Variants in CNTNAP5 observed in about 807,000 individuals in gnomAD.
CNTNAP5 encodes the protein contactin associated protein family member 5, also known as contactin-associated protein-like 5.
Under a neutral mutation model 150.2 loss-of-function variants are expected in CNTNAP5, and 72 were observed. The observed-to-expected ratio is 0.48, with a 90% CI of 0.40 to 0.58. The LOEUF (loss-of-function observed/expected upper bound fraction) is 0.58, where lower values mean the gene tolerates loss of function less well. Ranked by LOEUF, CNTNAP5 falls within the 20% of genes least tolerant of loss-of-function variation. The probability of loss-of-function intolerance (pLI) is 0.00; values close to 1 mark genes in which losing one functional copy is unlikely to be tolerated. For missense variants in CNTNAP5, 1,636 were observed against 1,626.2 expected, an observed-to-expected ratio of 1.01 and a Z score of -0.10; for synonymous variants, 672 against 619.8, an observed-to-expected ratio of 1.08 and a Z score of -1.25.
chr2:124,340,478 C>A (rs370444538), intron 3 of CNTNAP5, among the ~76,000 whole-genome samples: 4 of 151,788 alleles, frequency 2.6e-5, no homozygotes, highest in Admixed American at 6.6e-5. Context: ...TTGAATGTGC[C>A]CAAATAATAT....
intron 13 of CNTNAP5, among the ~76,000 whole-genome samples, chr2:124,695,848 C>T (rs1256745110): frequency 2.0e-5 from 3 of 152,132 alleles, no homozygotes; most frequent in Non-Finnish European, 4.4e-5. Context: ...GTGAAGAGTG[C>T]TCGGCACCTG....
chr2:124,836,629 G>T (rs1013318736), intron 19 of CNTNAP5, among the ~76,000 whole-genome samples: 3 of 152,086 alleles, frequency 2.0e-5, no homozygotes, highest in African/African-American at 7.2e-5. Context: ...GTCTATGGGG[G>T]TGCAAGTGGA....
In CNTNAP5 at chr2:124,879,970, G is replaced by T. The variant is rs930993179; in HGVS notation, c.3436+10208G>T. On this transcript the variant is annotated intron_variant, in intron 21 of 23. Transcript: ENST00000682447. ...GGAAGCACTGTATTGGCCAGAAGCT[G>T]AAAGAAACAAGTGGAACAAGCACAG... Among the ~76,000 whole-genome samples the T allele has an allele frequency of 4.6e-5, 7 of 152,160 alleles. 1 individual carries two copies. The highest frequency in any genetic ancestry group is 1.4e-4 in the African/African-American group (6 of 41,458).
At chr2:124,628,401 G>A (rs1225234533) in intron 12 of CNTNAP5, among the ~76,000 whole-genome samples, 3 of 152,100 alleles carry the variant, frequency 2.0e-5, no homozygotes, top group African/African-American at 7.2e-5. Context: ...AGAGCTTGGG[G>A]GCCAATATTC....
intron 19 of CNTNAP5, among the ~76,000 whole-genome samples, chr2:124,825,888 T>C (rs1306075913): frequency 6.6e-6 from 1 of 152,162 alleles, no homozygotes; most frequent in Non-Finnish European, 1.5e-5. Context: ...ACAGCACCCA[T>C]AGCTTGTATT....
At chr2:124,123,074 TGGG>T (rs1173572054) in intron 1 of CNTNAP5, among the ~76,000 whole-genome samples, 2 of 151,946 alleles carry the variant, frequency 1.3e-5, no homozygotes, top group South Asian at 4.2e-4. Flanking sequence ...TGTCGGACAC[TGGG>T]TGCAGCCCAT....
chr2:124,146,219 C>T (rs977931187), intron 1 of CNTNAP5, among the ~76,000 whole-genome samples: 4 of 152,110 alleles, frequency 2.6e-5, no homozygotes, highest in Non-Finnish European at 4.4e-5. Flanking sequence ...CAGCTCAGAC[C>T]CGAGCTGTTA....
chr2:124,750,265 C>G (rs1680696044), intron 14 of CNTNAP5, among the ~76,000 whole-genome samples: 1 of 152,172 alleles, frequency 6.6e-6, no homozygotes, highest in South Asian at 2.1e-4. Flanking sequence ...AAGGACTGAA[C>G]TTCCCCTCTT....
chr2:124,443,006 T>C (rs1035677368), intron 5 of CNTNAP5, among the ~76,000 whole-genome samples: 2 of 152,116 alleles, frequency 1.3e-5, no homozygotes, highest in African/African-American at 2.4e-5. Flanking sequence ...GGTCTTTATA[T>C]AGGACAATTT....
chr2:124,154,388 T>A (rs1457772331), intron 1 of CNTNAP5, among the ~76,000 whole-genome samples: 1 of 152,036 alleles, frequency 6.6e-6, no homozygotes, highest in Non-Finnish European at 1.5e-5. Flanking sequence ...ATGGGTGCTA[T>A]GAGCTGATGG....
rs193034525 is a variant in CNTNAP5, at chr2:124,544,253, A to G, written c.1649+16797A>G. On this transcript the variant is annotated intron_variant, in intron 10 of 23. Coordinates refer to ENST00000682447, the MANE Select transcript of CNTNAP5 (RefSeq NM_001367498.1). ...GACTAAGGCTAATGTTTCTAAAGAA[A>G]AAAAATGTGTCAAATAAAAGTAGGT... 1.2e-4 allele frequency among the ~76,000 whole-genome samples: 18 copies of G among 152,328 alleles called. 1 individual carries two copies. The East Asian group carries it at 2.1e-3, about 18-fold the overall frequency.
chr2:124,859,245 A>G (rs1157473985), intron 19 of CNTNAP5, among the ~76,000 whole-genome samples: 3 of 152,198 alleles, frequency 2.0e-5, no homozygotes, highest in Admixed American at 6.6e-5. Context: ...ACAAGTGGGC[A>G]AAGGATATGA....
chr2:124,905,492 G>A (rs957812556), intron 22 of CNTNAP5, among the ~76,000 whole-genome samples: 8 of 152,194 alleles, frequency 5.3e-5, no homozygotes, highest in African/African-American at 1.2e-4. Context: ...TACATTCTCT[G>A]CTTCACTACC....
intron 4 of CNTNAP5, among the ~76,000 whole-genome samples, chr2:124,433,481 C>T (rs757038236): frequency 6.6e-6 from 1 of 152,038 alleles, no homozygotes; most frequent in Non-Finnish European, 1.5e-5. Flanking sequence ...ATTGTGTATG[C>T]TCAGGCTGAG....
intron 19 of CNTNAP5, among the ~76,000 whole-genome samples, chr2:124,810,394 C>T (rs578105292): frequency 2.6e-5 from 4 of 152,156 alleles, no homozygotes; most frequent in South Asian, 4.1e-4. Flanking sequence ...TTTTTAATAG[C>T]GCTGCTTAAA....
At chr2:124,127,344 A>G (rs1391330643) in intron 1 of CNTNAP5, among the ~76,000 whole-genome samples, 2 of 152,180 alleles carry the variant, frequency 1.3e-5, no homozygotes, top group Non-Finnish European at 2.9e-5. Context: ...TAGGAATCCA[A>G]CTTACAAGGG....
chr2:124,236,368 C>T (rs2104759524), intron 2 of CNTNAP5, among the ~76,000 whole-genome samples: 1 of 152,286 alleles, frequency 6.6e-6, no homozygotes, highest in South Asian at 2.1e-4. Context: ...CCTGCACCTG[C>T]CCAGGAGCAG....
At position 124,672,794 on chromosome 2, in the gene CNTNAP5, G is replaced by A. The variant is rs1425579944; in HGVS notation, c.2077+24836G>A. On this transcript the variant is annotated intron_variant, in intron 13 of 23. Transcript: ENST00000682447. ...TGTTAAAAAGACTAAAATATGAGTA[G>A]GAAACTATTTCAAGTGACCAAGAAG... Among the ~76,000 whole-genome samples the A allele has an allele frequency of 1.3e-5, 2 of 151,538 alleles. 1 individual carries two copies. The highest frequency in any genetic ancestry group is 4.8e-5 in the African/African-American group (2 of 41,248).
chr2:124,543,294 T>C (rs1448746085), intron 10 of CNTNAP5, among the ~76,000 whole-genome samples: 1 of 141,564 alleles, frequency 7.1e-6, no homozygotes, highest in African/African-American at 2.7e-5. Context: ...ATTATCCATA[T>C]TACAATCTTG....
Sources: gnomAD v4.1 joint callset for allele counts (sites outside exome capture counted in the v4.1 genomes callset) on GRCh38, gnomAD v4.1.1 for gene constraint, MANE v1.5 for transcripts, NCBI Gene and HGNC (gene_info 2026-07-23, HGNC 2026-07-21) for gene names.